The following MGST1 variants were observed in gnomAD, a reference collection of about 807,000 sequenced individuals.
MGST1 encodes the protein glutathione S-transferase 12.
Under a neutral mutation model 8.9 loss-of-function variants are expected in MGST1, and 5 were observed. That is an observed-to-expected ratio of 0.56 (90% CI 0.29 to 1.19). The LOEUF is 1.19. Ranked by LOEUF, MGST1 falls within the 50% of genes most tolerant of loss-of-function variation. The pLI, the probability that MGST1 is intolerant of heterozygous loss-of-function variation, is 0.08. For synonymous variants in MGST1, 54 were observed against 67.8 expected (o/e 0.80, Z 1.00); for missense variants, 182 against 187.4 (o/e 0.97, Z 0.17).
rs1440698945 is a variant in MGST1, at chr12:16,544,338, A to C, written n.483-45190A>C. ...AAGCTATGGGTCCACAATTGTACTC[A>C]AAAGGGGAAGAGTTAATGTTAATGC... On this transcript the variant is annotated intron_variant and non_coding_transcript_variant, in intron 4 of 4. Coordinates refer to the MGST1 transcript ENST00000538857. This position sits in a 1 kb window ranked among gnomAD's most constrained non-coding sequence, Gnocchi z 4.8. Among the ~76,000 whole-genome samples, 2 of 151,902 alleles carry C rather than the reference A, an allele frequency of 1.3e-5. No individual in the cohort carries two copies. Among genetic ancestry groups the C allele is most frequent in the South Asian group, 4.1e-4 (2 of 4,828 alleles).
chr12:16,383,452 TTTC>T (rs1317833907), exon 1 of MGST1: 1 of 152,202 alleles, frequency 6.6e-6, no homozygotes, highest in Non-Finnish European at 1.5e-5. Flanking sequence ...TTCTTTTTCT[TTTC>T]TTTTCTTTTT....
chr12:16,454,693 G>T (rs1304447598), intron 4 of MGST1, among the ~76,000 whole-genome samples: 2 of 151,746 alleles, frequency 1.3e-5, no homozygotes, highest in Non-Finnish European at 2.9e-5. Flanking sequence ...TGTAGAGGAA[G>T]AAGAAGTCAG....
At chr12:16,515,374 G>A (rs115440987) in intron 4 of MGST1, among the ~76,000 whole-genome samples, 3 of 152,196 alleles carry the variant, frequency 2.0e-5, no homozygotes, top group Admixed American at 6.5e-5. Flanking sequence ...TAAAGAGGCC[G>A]AGCACAGTGG....
At chr12:16,465,809 A>G (rs2137129480) in intron 4 of MGST1, among the ~76,000 whole-genome samples, 1 of 152,304 alleles carries the variant, frequency 6.6e-6, no homozygotes, top group East Asian at 1.9e-4. Context: ...ATTGTCTTCC[A>G]TGAAAGTGGT....
chr12:16,469,953 A>C (rs551841626), intron 4 of MGST1, among the ~76,000 whole-genome samples: 1 of 152,324 alleles, frequency 6.6e-6, no homozygotes, highest in South Asian at 2.1e-4. Context: ...TTTGCACAGA[A>C]ATCATGTTTA....
At chr12:16,488,040 A>T (rs1376066338) in intron 4 of MGST1, among the ~76,000 whole-genome samples, 1 of 152,216 alleles carries the variant, frequency 6.6e-6, no homozygotes, top group African/African-American at 2.4e-5. Context: ...TGGATTAAGA[A>T]ATAAAGGATT....
chr12:16,423,388 C>CA (rs1331729135), intron 1 of MGST1, among the ~76,000 whole-genome samples: 1 of 151,994 alleles, frequency 6.6e-6, no homozygotes, highest in Non-Finnish European at 1.5e-5. Context: ...TAAAGTGAAA[C>CA]AAAAAACAAT....
At chr12:16,470,657 A>G (rs1023507710) in intron 4 of MGST1, among the ~76,000 whole-genome samples, 1 of 152,212 alleles carries the variant, frequency 6.6e-6, no homozygotes, top group Non-Finnish European at 1.5e-5. Context: ...CTATTGCCCA[A>G]TTTTGAAGAG....
chr12:16,479,336 G>A (rs1234985607), intron 4 of MGST1, among the ~76,000 whole-genome samples: 1 of 142,852 alleles, frequency 7.0e-6, no homozygotes, highest in Non-Finnish European at 1.5e-5. Context: ...CCGGGTTCAC[G>A]CCATTCTCCT....
chr12:16,399,638 C>A, intron 1 of MGST1: 1 of 1,604,884 alleles, frequency 6.2e-7, no homozygotes, highest in Non-Finnish European at 8.5e-7. Context: ...CAGCATCACT[C>A]CCCTCATCGT....
At chr12:16,564,051 A>G (rs578108203) in intron 4 of MGST1, among the ~76,000 whole-genome samples, 35 of 152,318 alleles carry the variant, frequency 2.3e-4, no homozygotes, top group Admixed American at 6.5e-4. Context: ...CGGCCATACA[A>G]TATCAGTGCA....
chr12:16,419,762 C>T (rs929457074), intron 1 of MGST1, among the ~76,000 whole-genome samples: 2 of 152,108 alleles, frequency 1.3e-5, no homozygotes, highest in Non-Finnish European at 2.9e-5. Flanking sequence ...TGAAGATATA[C>T]TTTGATGGCC....
Position 16,535,023 on chromosome 12 carries a change from AC to A in MGST1, n.483-54504del, listed in dbSNP as rs1465163377. ...TTGAAAATCCAGATCCCAGCTCATG[AC>A]ACTGAGTGCAGTGCCTGCCTCTGGT... is the stretch of plus-strand genomic sequence containing the variant. On this transcript the variant is annotated intron_variant and non_coding_transcript_variant, in intron 4 of 4. Transcript: ENST00000538857. Among the ~76,000 whole-genome samples, 5 of 152,296 alleles carry A rather than the reference AC, an allele frequency of 3.3e-5. No homozygotes were observed. The East Asian group carries it at 9.6e-4, about 29-fold the overall frequency.
In MGST1 at chr12:16,458,992, T is replaced by C. The variant is rs1941199601; in HGVS notation, n.482+75388T>C. On this transcript the variant is annotated intron_variant and non_coding_transcript_variant, in intron 4 of 4. Transcript: ENST00000538857. This position sits in a 1 kb window ranked among gnomAD's most constrained non-coding sequence, Gnocchi z 4.0. ...TTCATACCCAGAGCACTGCTGAGCCTTGTTAGCAACCCTGGCCTACCTATT... is the reference window on the plus strand; with the variant it reads ...TTCATACCCAGAGCACTGCTGAGCCCTGTTAGCAACCCTGGCCTACCTATT... Among the ~76,000 whole-genome samples, 1 of 152,034 alleles carries C rather than the reference T, an allele frequency of 6.6e-6. No individual in the cohort carries two copies. The highest frequency in any genetic ancestry group is 6.6e-5 in the Admixed American group (1 of 15,230).
In MGST1 at chr12:16,546,715, C is replaced by T. The variant is rs536889549; in HGVS notation, n.483-42813C>T. On this transcript the variant is annotated intron_variant and non_coding_transcript_variant, in intron 4 of 4. Coordinates refer to the MGST1 transcript ENST00000538857. The surrounding 1 kb of genome is among the most constrained non-coding windows in gnomAD (Gnocchi z 4.7). ...GGAACTGTTGTAATTATTCTATAAG[C>T]TTATTGGAATGGCATTTACCAAGAT... Among the ~76,000 whole-genome samples, 173 of 152,174 alleles carry T rather than the reference C, an allele frequency of 1.1e-3. No homozygotes were observed. Among genetic ancestry groups the T allele is most frequent in the Non-Finnish European group, 2.2e-3 (149 of 67,978 alleles).
At chr12:16,440,749 T>A (rs1941032214), downstream of MGST1, among the ~76,000 whole-genome samples, 4 of 151,990 alleles carry the variant, frequency 2.6e-5, no homozygotes, top group South Asian at 8.3e-4. Flanking sequence ...TTATTTTTTC[T>A]TAAGTGTACA....
chr12:16,542,885 T>C (rs1415854179), intron 4 of MGST1, among the ~76,000 whole-genome samples: 1 of 152,188 alleles, frequency 6.6e-6, no homozygotes, highest in Non-Finnish European at 1.5e-5. Context: ...TAAACTTAGA[T>C]TAGGGGTGGT....
chr12:16,349,295 G>A (rs1317474934), intron 1 of MGST1, among the ~76,000 whole-genome samples: 1 of 152,046 alleles, frequency 6.6e-6, no homozygotes, highest in African/African-American at 2.4e-5. Context: ...GCTCATTTTG[G>A]CCAAAAGCCT....
chr12:16,392,658 T>G (rs1940562612), intron 1 of MGST1, among the ~76,000 whole-genome samples: 1 of 152,166 alleles, frequency 6.6e-6, no homozygotes, highest in African/African-American at 2.4e-5. Context: ...TATAGTCATT[T>G]TGGGATATGG....
Sources: allele counts gnomAD v4.1 joint callset (sites outside exome capture counted in the v4.1 genomes callset), GRCh38; gene constraint gnomAD v4.1.1; non-coding constraint Gnocchi (gnomAD v3.1); transcripts MANE v1.5; gene names NCBI Gene and HGNC (gene_info 2026-07-23, HGNC 2026-07-21).